The following RTN3 variants were observed in gnomAD, a reference collection of about 807,000 sequenced individuals.
RTN3 encodes reticulon-3.
Under a neutral mutation model 77.8 loss-of-function variants are expected in RTN3, and 49 were observed. That is an observed-to-expected ratio of 0.63 (90% CI 0.50 to 0.80). RTN3 has a LOEUF of 0.80. RTN3 is among the 30% of genes least tolerant of loss of function. RTN3 has a pLI of 0.00. For missense variants in RTN3, 1,236 were observed against 1,211.9 expected (o/e 1.02, Z -0.29); for synonymous variants, 464 against 446.9 (o/e 1.04, Z -0.48).
chr11:63,703,524 A>G (rs1412172668), intron 1 of RTN3, among the ~76,000 whole-genome samples: 1 of 151,786 alleles, frequency 6.6e-6, no homozygotes, highest in Non-Finnish European at 1.5e-5. Flanking sequence ...GCTTTTATGA[A>G]TATCTTCATA....
At chr11:63,712,078 C>T (rs982540197) in intron 2 of RTN3, among the ~76,000 whole-genome samples, 1 of 152,208 alleles carries the variant, frequency 6.6e-6, no homozygotes, top group South Asian at 2.1e-4. Flanking sequence ...CCAACGTATT[C>T]AGACGTTGCA....
intron 2 of RTN3, among the ~76,000 whole-genome samples, chr11:63,711,400 T>G (rs2011157762): frequency 1.3e-5 from 2 of 151,340 alleles, no homozygotes; most frequent in South Asian, 4.2e-4. Flanking sequence ...TTTTTGTTAT[T>G]TTTTTTTGAG....
intron 2 of RTN3, among the ~76,000 whole-genome samples, chr11:63,715,583 G>T (rs766605618): frequency 6.6e-6 from 1 of 152,064 alleles, no homozygotes; most frequent in Non-Finnish European, 1.5e-5. Flanking sequence ...GCTTCAATCT[G>T]GGGGGCGGAG....
chr11:63,728,227 CA>C (rs951094784), intron 3 of RTN3, among the ~76,000 whole-genome samples: 54 of 152,264 alleles, frequency 3.5e-4, no homozygotes, highest in African/African-American at 1.1e-3. Flanking sequence ...GATTCCCAAC[CA>C]AGGAAGCTCT....
chr11:63,744,763 C>T (rs1368254125), intron 3 of RTN3, among the ~76,000 whole-genome samples: 1 of 152,104 alleles, frequency 6.6e-6, no homozygotes, highest in Non-Finnish European at 1.5e-5. Context: ...AAGCCAAGGC[C>T]AGTGGATTGC....
intron 3 of RTN3, among the ~76,000 whole-genome samples, chr11:63,738,941 G>A (rs2013305632): frequency 6.6e-6 from 1 of 152,148 alleles, no homozygotes; most frequent in South Asian, 2.1e-4. Flanking sequence ...ATGTGTTAGT[G>A]CCCTCTTCAG....
intron 6 of RTN3, 63 bp from the exon 7 acceptor site, chr11:63,753,599 T>G: frequency 2.1e-5 from 30 of 1,413,568 alleles, no homozygotes; most frequent in Non-Finnish European, 2.6e-5. Context: ...TATGTTACTC[T>G]GAGTCTTAAG....
chr11:63,685,679 CTTAA>C (rs1167398331), intron 1 of RTN3, among the ~76,000 whole-genome samples: 2 of 151,774 alleles, frequency 1.3e-5, no homozygotes, highest in African/African-American at 4.8e-5. Context: ...AAAAAATTAC[CTTAA>C]TTGTTTAAAA....
intron 3 of RTN3, among the ~76,000 whole-genome samples, chr11:63,724,970 T>G (rs1411349551): frequency 6.6e-6 from 1 of 152,004 alleles, no homozygotes; most frequent in African/African-American, 2.4e-5. Context: ...TTTTGTTTTT[T>G]TTTTTTTTAA....
chr11:63,688,223 CTTT>C (rs34253380), intron 1 of RTN3, among the ~76,000 whole-genome samples: 994 of 130,228 alleles, frequency 7.6e-3, no homozygotes, highest in Middle Eastern at 0.016. Flanking sequence ...GTGTGTTTTG[CTTT>C]TTTTTTTTTT....
chr11:63,718,996 A>G lies in RTN3; in HGVS notation c.494A>G (p.His165Arg). 1.2e-6 allele frequency: 2 copies of G among 1,614,166 alleles called. No homozygotes were observed. Among genetic ancestry groups the G allele is most frequent in the Non-Finnish European group, 1.7e-6 (2 of 1,180,022 alleles). ...RPSIPASFPE[H>R]PAFLSKKIGQ... Reference sequence around the variant, plus strand: ...TCTATTCCAGCCAGTTTCCCAGAGCATCCTGCTTTTCTCTCAAAGAAAATT... The same window carrying G: ...TCTATTCCAGCCAGTTTCCCAGAGCGTCCTGCTTTTCTCTCAAAGAAAATT... The change falls in exon 3 of 9, where the codon CAT becomes CGT. Residue 165 changes from histidine (H) to arginine (R), a missense_variant. By Grantham distance (29) the His-to-Arg change is conservative (BLOSUM62 0). Around this residue, in one of 3 missense-constraint regions of RTN3, gnomAD observed 1,056 missense variants for 990.4 expected, o/e 1.07. Coordinates refer to ENST00000377819, the MANE Select transcript of RTN3 (RefSeq NM_001265589.2).
intron 3 of RTN3, among the ~76,000 whole-genome samples, chr11:63,740,448 ATTTTT>A (rs34045543): frequency 1.7e-5 from 2 of 120,754 alleles, no homozygotes; most frequent in African/African-American, 3.1e-5. Flanking sequence ...TGCCTGGCTA[ATTTTT>A]TTTTTTTTTT....
At chr11:63,755,786 C>T (rs1436395210) in intron 7 of RTN3, among the ~76,000 whole-genome samples, 1 of 150,300 alleles carries the variant, frequency 6.7e-6, no homozygotes, top group Non-Finnish European at 1.5e-5. Flanking sequence ...GGTGAAACCC[C>T]GTCTCTACTA....
chr11:63,728,549 G>A (rs965104299), intron 3 of RTN3, among the ~76,000 whole-genome samples: 2 of 152,086 alleles, frequency 1.3e-5, no homozygotes, highest in East Asian at 1.9e-4. Context: ...ACAGTGTATC[G>A]TAGTCAAGTT....
In RTN3 at chr11:63,720,604, C is replaced by G. The variant is rs1309503116; in HGVS notation, c.2102C>G (p.Ser701Cys). 1.9e-6 allele frequency: 3 copies of G among 1,613,650 alleles called. No individual in the cohort carries two copies. The highest frequency in any genetic ancestry group is 1.3e-5 in the African/African-American group (1 of 74,830). The change falls in exon 3 of 9, where the codon TCT becomes TGT. Residue 701 changes from serine to cysteine, a missense_variant. Coordinates refer to ENST00000377819, the MANE Select transcript of RTN3 (RefSeq NM_001265589.2). ...TTACATGAAAATGAGTCCGGTGGTT[C>G]TGAAATTAAAGACATTGGAAGCAAA... ...EVLHENESGG[S>C]EIKDIGSKYS...
Position 63,720,704 on chromosome 11 carries a change from A to G in RTN3, c.2202A>G (p.Ala734=), listed in dbSNP as rs754467009. The G allele has an allele frequency of 6.2e-7, 1 of 1,614,196 alleles. No homozygotes were observed. The highest frequency in any genetic ancestry group is 8.5e-7 in the Non-Finnish European group (1 of 1,179,996). ...GVFPTQGTPV[A]SLDLEQEQLT... ...TCCCTACCCAAGGTACTCCAGTAGCATCTCTTGACTTAGAACAAGAACAGC... is the reference window on the plus strand; with the variant it reads ...TCCCTACCCAAGGTACTCCAGTAGCGTCTCTTGACTTAGAACAAGAACAGC... Residue 734 remains alanine, a synonymous_variant, in exon 3 of 9, where the codon GCA becomes GCG. Coordinates refer to ENST00000377819, the MANE Select transcript of RTN3 (RefSeq NM_001265589.2).
intron 3 of RTN3, among the ~76,000 whole-genome samples, chr11:63,724,254 C>T (rs771602223): frequency 2.2e-5 from 3 of 138,104 alleles, no homozygotes; most frequent in Non-Finnish European, 4.5e-5. Flanking sequence ...GCAATCTCGG[C>T]TCACTGCAAG....
intron 2 of RTN3, chr11:63,714,526 T>C: frequency 6.6e-6 from 1 of 152,190 alleles, no homozygotes; most frequent in South Asian, 2.1e-4. Context: ...TTCTCTTCTC[T>C]TCTCTTTTCT....
intron 3 of RTN3, among the ~76,000 whole-genome samples, chr11:63,731,173 C>T (rs984915825): frequency 6.6e-6 from 1 of 151,942 alleles, no homozygotes; most frequent in Admixed American, 6.6e-5. Context: ...CTCTGCCTCC[C>T]GGGTTCAAAT....
Sources: allele counts gnomAD v4.1 joint callset (sites outside exome capture counted in the v4.1 genomes callset), GRCh38; gene constraint gnomAD v4.1.1; regional missense constraint gnomAD v4.1.1; transcripts MANE v1.5; gene names NCBI Gene and HGNC (gene_info 2026-07-23, HGNC 2026-07-21).